The following TLR8 variants were observed in gnomAD, a reference collection of about 807,000 sequenced individuals.
TLR8 encodes the protein toll like receptor 8.
A neutral mutation model predicts 18.5 loss-of-function variants in TLR8; 5 were observed. The observed-to-expected ratio is 0.27, with a 90% confidence interval of 0.14 to 0.57. TLR8 has a LOEUF of 0.57. Among genes scored for constraint, TLR8 ranks in the 20% least tolerant of loss-of-function variants. The probability of loss-of-function intolerance (pLI) is 0.92; values close to 1 mark genes in which losing one functional copy is unlikely to be tolerated. For synonymous variants in TLR8, 299 were observed against 300.1 expected, an observed-to-expected ratio of 1.00 and a Z score of 0.04; for missense variants, 543 against 769.8, an observed-to-expected ratio of 0.71 and a Z score of 3.49.
intron 1 of TLR8, among the ~76,000 whole-genome samples, chrX:12,911,068 A>C (rs2043017878): frequency 9.1e-6 from 1 of 110,377 alleles, no homozygotes; most frequent in Non-Finnish European, 1.9e-5. Context: ...TCATCCTCAT[A>C]AGGGTGTTCA....
At position 12,919,061 on chromosome X, in the gene TLR8, G is replaced by T. The variant is rs910861464; in HGVS notation, c.21G>T (p.Gln7His). MENMFL[Q>H]SSMLTCIFLL... ...TTCCTTAGGAAAACATGTTCCTTCA[G>T]TCGTCAATGCTGACCTGCATTTTCC... is the stretch of plus-strand genomic sequence containing the variant. The change falls in exon 2 of 2, where the codon CAG becomes CAT. Residue 7 changes from glutamine to histidine, a missense_variant. By Grantham distance (24) the Gln-to-His change is conservative. Coordinates refer to ENST00000218032, the MANE Select transcript of TLR8 (RefSeq NM_138636.5). The T allele has an allele frequency of 8.3e-7, 1 of 1,200,246 alleles. No homozygotes were observed. The highest frequency in any genetic ancestry group is 1.1e-6 in the Non-Finnish European group (1 of 889,844).
At position 12,920,456 on chromosome X, in the gene TLR8, T is replaced by C. The variant is rs756515654; in HGVS notation, c.1416T>C (p.Arg472=). ...DPHSNFYHFT[R]PLIKPQCAAY... is the part of the protein sequence containing the mutation. ...ATTCGAACTTTTATCATTTCACCCGTCCTTTAATAAAGCCACAATGTGCTG... is the reference window on the plus strand; with the variant it reads ...ATTCGAACTTTTATCATTTCACCCGCCCTTTAATAAAGCCACAATGTGCTG... Residue 472 remains arginine (R), a synonymous_variant, in exon 2 of 2, where the codon CGT becomes CGC. Transcript: ENST00000218032. 8.3e-6 allele frequency: 10 copies of C among 1,211,208 alleles called. No homozygotes were observed. Among genetic ancestry groups the C allele is most frequent in the Non-Finnish European group, 1.1e-5 (10 of 895,249 alleles).
rs1327342558 is a variant in TLR8, at chrX:12,922,743, G to A, written c.*577G>A. The A allele has an allele frequency of 8.9e-6, 1 of 111,998 alleles. No homozygotes were observed. Among genetic ancestry groups the A allele is most frequent in the Non-Finnish European group, 1.9e-5 (1 of 53,355 alleles). The allele number at this position is 111,998 out of a possible 1,213,427, so 9.2% of individuals were successfully genotyped here. The stretch of plus-strand genomic sequence containing the variant: ...CATCAACTATTTTCCCTTGACTGCT[G>A]TCCTGGGATGGCCTGCTATCTTGAT... On this transcript the variant is annotated 3_prime_UTR_variant, in exon 2 of 2. Coordinates refer to ENST00000218032, the MANE Select transcript of TLR8 (RefSeq NM_138636.5).
chrX:12,919,064 G>A lies in TLR8; in HGVS notation c.24G>A (p.Ser8=), dbSNP rs780443862. ...CTTAGGAAAACATGTTCCTTCAGTC[G>A]TCAATGCTGACCTGCATTTTCCTGC... is the stretch of plus-strand genomic sequence containing the variant. The part of the protein sequence containing the change: MENMFLQ[S]SMLTCIFLLI... Residue 8 remains serine (S), a synonymous_variant, in exon 2 of 2, where the codon TCG becomes TCA. Transcript: ENST00000218032. The A allele has an allele frequency of 4.2e-6, 5 of 1,204,578 alleles. No individual in the cohort carries two copies. The highest frequency in any genetic ancestry group is 4.5e-6 in the Non-Finnish European group (4 of 891,382).
In TLR8 at chrX:12,921,588, C is replaced by A. The variant is rs772942912; in HGVS notation, c.2548C>A (p.His850Asn). ...GGTTATGTTGGCTGCCCTGGCTCAC[C>A]ATTTGTTTTACTGGGATGTTTGGTT... ...TMVMLAALAH[H>N]LFYWDVWFIY... The change falls in exon 2 of 2, where the codon CAT becomes AAT. Residue 850 changes from histidine to asparagine, a missense_variant. His to Asn is a moderately conservative substitution (Grantham distance 68, BLOSUM62 1). This residue lies in a region of TLR8 where 227 missense variants were observed against 312.9 expected (regional missense o/e 0.73). Transcript: ENST00000218032. 8.3e-7 allele frequency: 1 copy of A among 1,209,946 alleles called. No individual in the cohort carries two copies. The highest frequency in any genetic ancestry group is 3.0e-5 in the East Asian group (1 of 33,783).
rs1172716442 is a variant in TLR8, at chrX:12,908,357, C to CAAT, written c.3+1650_3+1651insTAA. On this transcript the variant is annotated intron_variant, in intron 1 of 1. Coordinates refer to ENST00000218032, the MANE Select transcript of TLR8 (RefSeq NM_138636.5). ...CTCTGTTTCAAAACAACAACAACAA[C>CAAT]AACAACAACAGATTGGTAAATAGAG... The CAAT allele has an allele frequency of 5.4e-5, 6 of 111,883 alleles. No individual in the cohort carries two copies. In the East Asian group the frequency reaches 1.7e-3, roughly 31 times the overall value. The allele number at this position is 111,883 out of a possible 1,213,427, so 9.2% of individuals were successfully genotyped here.
Position 12,920,470 on chromosome X carries a change from C to A in TLR8, c.1430C>A (p.Pro477Gln), listed in dbSNP as rs1677808871. The change falls in exon 2 of 2, where the codon CCA (proline) becomes CAA (glutamine). Residue 477 changes from proline to glutamine, a missense_variant. This residue lies in a region of TLR8 where 185 missense variants were observed against 298.9 expected (regional missense o/e 0.62). Transcript: ENST00000218032. ...CATTTCACCCGTCCTTTAATAAAGC[C>A]ACAATGTGCTGCTTATGGAAAAGCC... ...FYHFTRPLIK[P>Q]QCAAYGKALD... 4 of 1,211,541 alleles carry A rather than the reference C, an allele frequency of 3.3e-6. No individual in the cohort carries two copies. The highest frequency in any genetic ancestry group is 4.5e-6 in the Non-Finnish European group (4 of 895,398).
At chrX:12,918,348 C>T (rs1214825251) in intron 1 of TLR8, among the ~76,000 whole-genome samples, 1 of 111,392 alleles carries the variant, frequency 9.0e-6, no homozygotes, top group Non-Finnish European at 1.9e-5. Flanking sequence ...AAAGTTTCAT[C>T]AAGTGTCATG....
At chrX:12,917,921 T>C (rs749337390) in intron 1 of TLR8, among the ~76,000 whole-genome samples, 6 of 112,403 alleles carry the variant, frequency 5.3e-5, no homozygotes, top group South Asian at 3.7e-4. Context: ...TGTAGCATGA[T>C]GGCTTGTTAA....
At chrX:12,915,739 A>T (rs1402697275) in intron 1 of TLR8, among the ~76,000 whole-genome samples, 2 of 112,377 alleles carry the variant, frequency 1.8e-5, no homozygotes, top group Non-Finnish European at 3.8e-5. Context: ...GCTTCTCTGG[A>T]GGTACAGCCT....
Position 12,919,362 on chromosome X carries a change from G to C in TLR8, c.322G>C (p.Gly108Arg). The change falls in exon 2 of 2, where the codon GGT becomes CGT. Residue 108 changes from glycine to arginine, a missense_variant. Transcript: ENST00000218032. Reference protein sequence around the residue: ...PNVQHQNGNPGIQSNGLNITD... With the variant: ...PNVQHQNGNPRIQSNGLNITD... ...TGTACAGCACCAGAACGGAAATCCC[G>C]GTATACAATCAAATGGCTTGAATAT... 8.3e-7 allele frequency: 1 copy of C among 1,211,316 alleles called. No individual in the cohort carries two copies. Among genetic ancestry groups the C allele is most frequent in the Non-Finnish European group, 1.1e-6 (1 of 895,377 alleles).
At chrX:12,914,300 T>C (rs1436501165) in intron 1 of TLR8, among the ~76,000 whole-genome samples, 1 of 111,737 alleles carries the variant, frequency 8.9e-6, no homozygotes, top group Non-Finnish European at 1.9e-5. Flanking sequence ...GAGAAAATTG[T>C]TCATAAAACT....
At chrX:12,915,930 G>A (rs1212911297) in intron 1 of TLR8, among the ~76,000 whole-genome samples, 1 of 109,579 alleles carries the variant, frequency 9.1e-6, no homozygotes, top group African/African-American at 3.4e-5. Flanking sequence ...TGCCCAGGCT[G>A]GAGTGCAATG....
chrX:12,922,388 C>T lies in TLR8; in HGVS notation c.*222C>T, dbSNP rs1165899724. 12 of 399,264 alleles carry T rather than the reference C, an allele frequency of 3.0e-5. No homozygotes were observed. Among genetic ancestry groups the T allele is most frequent in the Non-Finnish European group, 5.1e-5 (12 of 234,806 alleles). 32.9% of individuals were successfully genotyped at this position (399,264 alleles called of 1,213,427 possible). ...CTGCAATGTAGGTGTTCACCAGAGA[C>T]ATAGGCATCACTGGGGTCACACTCA... On this transcript the variant is annotated 3_prime_UTR_variant, in exon 2 of 2. Coordinates refer to ENST00000218032, the MANE Select transcript of TLR8 (RefSeq NM_138636.5).
rs2043077036 is a variant in TLR8 at position 12,919,251 on chromosome X, T to C, written c.211T>C (p.Ser71Pro). The C allele has an allele frequency of 8.3e-7, 1 of 1,211,984 alleles. No individual in the cohort carries two copies. Among genetic ancestry groups the C allele is most frequent in the Non-Finnish European group, 1.1e-6 (1 of 895,554 alleles). Residue 71 changes from serine (S) to proline (P), a missense_variant, in exon 2 of 2, where the codon TCT (serine) becomes CCT (proline). Physicochemically the swap from Ser to Pro is moderately conservative, Grantham distance 74. Coordinates refer to ENST00000218032, the MANE Select transcript of TLR8 (RefSeq NM_138636.5). ...CAAATATGTGACAGAACTAGACCTG[T>C]CTGATAATTTCATCACACACATAAC... ...VGKYVTELDL[S>P]DNFITHITNE...
At chrX:12,914,568 A>G (rs1361888286) in intron 1 of TLR8, among the ~76,000 whole-genome samples, 6 of 111,869 alleles carry the variant, frequency 5.4e-5, no homozygotes, top group Non-Finnish European at 1.1e-4. Flanking sequence ...CCATCCCTCC[A>G]GGTGCACAGA....
intron 1 of TLR8, among the ~76,000 whole-genome samples, chrX:12,918,075 C>A (rs2043067594): frequency 8.9e-6 from 1 of 112,173 alleles, no homozygotes; most frequent in African/African-American, 3.2e-5. Context: ...TTCTTGTGAG[C>A]ATTAATGTGG....
intron 1 of TLR8, chrX:12,910,455 T>C (rs1259554447): frequency 4.3e-6 from 5 of 1,166,247 alleles, no homozygotes; most frequent in Non-Finnish European, 5.7e-6. Flanking sequence ...AAAAAGCTGT[T>C]AATTCCAGGA....
At chrX:12,909,932 A>G (rs930185887) in intron 1 of TLR8, among the ~76,000 whole-genome samples, 1 of 111,915 alleles carries the variant, frequency 8.9e-6, no homozygotes, top group Non-Finnish European at 1.9e-5. Context: ...CCAGTAACAC[A>G]GTTTTTCATA....
Sources: allele counts gnomAD v4.1 joint callset (sites outside exome capture counted in the v4.1 genomes callset), GRCh38; gene constraint gnomAD v4.1.1; regional missense constraint gnomAD v4.1.1; transcripts MANE v1.5; gene names NCBI Gene and HGNC (gene_info 2026-07-23, HGNC 2026-07-21).